TRHDE: variants seen among roughly 807,000 people sequenced by gnomAD.
TRHDE encodes thyrotropin releasing hormone degrading enzyme.
Under a neutral mutation model 125.7 loss-of-function variants are expected in TRHDE, and 72 were observed. The ratio of observed to expected loss-of-function variants is 0.57; its 90% CI spans 0.47 to 0.70. The LOEUF (loss-of-function observed/expected upper bound fraction) is 0.70. TRHDE is among the 30% of genes least tolerant of loss of function. The pLI, the probability that TRHDE is intolerant of heterozygous loss-of-function variation, is 0.00. For missense variants in TRHDE, 1,110 were observed against 1,327.1 expected, an observed-to-expected ratio of 0.84 and a Z score of 2.54; for synonymous variants, 509 against 509.1, an observed-to-expected ratio of 1.00 and a Z score of 0.00.
intron 12 of TRHDE, among the ~76,000 whole-genome samples, chr12:72,576,669 A>G (rs770301143): frequency 6.6e-6 from 1 of 152,056 alleles, no homozygotes. Context: ...TTAAAAAAAT[A>G]CTCTGACTTT....
At chr12:72,508,919 T>C (rs779090822) in intron 6 of TRHDE, among the ~76,000 whole-genome samples, 4 of 152,142 alleles carry the variant, frequency 2.6e-5, no homozygotes, top group African/African-American at 4.8e-5. Flanking sequence ...GCTCCAGCCA[T>C]GTAAGATGTG....
At chr12:72,268,600 G>A (rs983800850), upstream of TRHDE, among the ~76,000 whole-genome samples, 12 of 152,058 alleles carry the variant, frequency 7.9e-5, no homozygotes, top group African/African-American at 2.9e-4. Context: ...TTACTCACAT[G>A]TGAAGAGACT....
At chr12:72,542,871 G>A (rs1239426664) in intron 7 of TRHDE, among the ~76,000 whole-genome samples, 1 of 151,164 alleles carries the variant, frequency 6.6e-6, no homozygotes, top group African/African-American at 2.4e-5. Context: ...GGAAGAAAAA[G>A]ATACAGTTTT....
At chr12:72,091,577 G>T (rs919191926) in intron 1 of TRHDE, among the ~76,000 whole-genome samples, 1 of 152,240 alleles carries the variant, frequency 6.6e-6, no homozygotes, top group East Asian at 1.9e-4. Context: ...TTTTACAAGG[G>T]TGTGCACGTG....
At chr12:72,634,249 A>G (rs1873622530) in intron 15 of TRHDE, among the ~76,000 whole-genome samples, 1 of 152,124 alleles carries the variant, frequency 6.6e-6, no homozygotes, top group African/African-American at 2.4e-5. Context: ...GCAGCAGACA[A>G]GAGGCTAAAG....
At chr12:72,235,976 T>C (rs531569981) in intron 2 of TRHDE, among the ~76,000 whole-genome samples, 1 of 152,346 alleles carries the variant, frequency 6.6e-6, no homozygotes, top group East Asian at 1.9e-4. Flanking sequence ...TATTTTGTGA[T>C]GGCATGATTT....
At chr12:72,483,364 T>G (rs898311668) in intron 5 of TRHDE, among the ~76,000 whole-genome samples, 1 of 152,068 alleles carries the variant, frequency 6.6e-6, no homozygotes, top group Non-Finnish European at 1.5e-5. Context: ...AGCTGTGTGA[T>G]CTTGTTTATC....
At chr12:72,147,662 ACTT>A (rs1433898381) in intron 2 of TRHDE, 1 of 152,106 alleles carries the variant, frequency 6.6e-6, no homozygotes, top group Non-Finnish European at 1.5e-5. Context: ...AATAAATAAA[ACTT>A]CTATCAAGGC....
chr12:72,453,271 T>C (rs1343113043), intron 3 of TRHDE, among the ~76,000 whole-genome samples: 1 of 152,222 alleles, frequency 6.6e-6, no homozygotes, highest in African/African-American at 2.4e-5. Flanking sequence ...ACTTATGTTT[T>C]GCCTAAGCAA....
intron 2 of TRHDE, among the ~76,000 whole-genome samples, chr12:72,369,431 A>G (rs1402671242): frequency 6.6e-6 from 1 of 152,202 alleles, no homozygotes; most frequent in African/African-American, 2.4e-5. Context: ...GTCGCTGAGC[A>G]GTTGATTTGT....
chr12:72,440,970 C>T (rs1338462793), intron 3 of TRHDE, among the ~76,000 whole-genome samples: 4 of 151,804 alleles, frequency 2.6e-5, no homozygotes, highest in African/African-American at 9.7e-5. Flanking sequence ...ATAAACAATA[C>T]ACACTTGGCA....
intron 3 of TRHDE, among the ~76,000 whole-genome samples, chr12:72,430,392 TAC>T (rs778464473): frequency 5.6e-5 from 8 of 142,696 alleles, no homozygotes; most frequent in South Asian, 2.2e-4. Flanking sequence ...TGTATATATA[TAC>T]ACACACGTAT....
intron 3 of TRHDE, among the ~76,000 whole-genome samples, chr12:72,426,603 C>T (rs1490401387): frequency 6.6e-6 from 1 of 151,874 alleles, no homozygotes; most frequent in Admixed American, 6.6e-5. Flanking sequence ...TTGCCAAAGG[C>T]CACTTATGTG....
intron 2 of TRHDE, among the ~76,000 whole-genome samples, chr12:72,303,856 G>T (rs1398195619): frequency 2.6e-5 from 4 of 152,110 alleles, no homozygotes; most frequent in Non-Finnish European, 4.4e-5. Context: ...TTAAACTAAG[G>T]ATCTAGGGGA....
At chr12:72,309,458 A>G (rs925782113) in intron 2 of TRHDE, among the ~76,000 whole-genome samples, 3 of 152,018 alleles carry the variant, frequency 2.0e-5, no homozygotes, top group African/African-American at 7.3e-5. Flanking sequence ...GAGAGATGAG[A>G]GGGGCTGGGG....
chr12:72,636,598 G>A (rs1338383269), intron 15 of TRHDE, among the ~76,000 whole-genome samples: 1 of 151,966 alleles, frequency 6.6e-6, no homozygotes, highest in African/African-American at 2.4e-5. Flanking sequence ...CAAAGGGAAT[G>A]CTTCCAGTTT....
At chr12:72,305,943 C>A (rs1868334701) in intron 2 of TRHDE, among the ~76,000 whole-genome samples, 1 of 152,172 alleles carries the variant, frequency 6.6e-6, no homozygotes, top group Admixed American at 6.5e-5. Context: ...GCCATTATTA[C>A]TTTTTAGCTT....
chr12:72,478,000 TAA>T (rs1292496585), intron 5 of TRHDE, among the ~76,000 whole-genome samples: 1 of 152,196 alleles, frequency 6.6e-6, no homozygotes, highest in Non-Finnish European at 1.5e-5. Context: ...AAAAACATTA[TAA>T]GTTATACTTT....
intron 2 of TRHDE, among the ~76,000 whole-genome samples, chr12:72,135,498 C>A (rs1367826796): frequency 1.3e-5 from 2 of 151,556 alleles, no homozygotes; most frequent in African/African-American, 4.9e-5. Flanking sequence ...AGCCCTATAA[C>A]TGTCTACTGG....
Sources: allele counts gnomAD v4.1 joint callset (sites outside exome capture counted in the v4.1 genomes callset), GRCh38; gene constraint gnomAD v4.1.1; transcripts MANE v1.5; gene names NCBI Gene and HGNC (gene_info 2026-07-23, HGNC 2026-07-21).